The following DERA variants were observed in gnomAD, a reference collection of about 807,000 sequenced individuals.
DERA encodes deoxyribose-phosphate aldolase, also known as 2-deoxy-D-ribose 5-phosphate aldolase.
DERA carries 15 observed loss-of-function variants against 41.1 expected under a neutral mutation model. The ratio of observed to expected loss-of-function variants is 0.37; its 90% CI spans 0.24 to 0.56. DERA has a LOEUF of 0.56. DERA is among the 20% of genes least tolerant of loss of function. The pLI is 0.81. For synonymous variants in DERA, 139 were observed against 137.4 expected (o/e 1.01, Z -0.08); for missense variants, 396 against 403.4 (o/e 0.98, Z 0.16).
chr12:16,028,476 G>A (rs1379123477), intron 6 of DERA, among the ~76,000 whole-genome samples: 1 of 152,170 alleles, frequency 6.6e-6, no homozygotes, highest in East Asian at 1.9e-4. Context: ...AAGTAATTAT[G>A]TAGCCAAGCC....
At chr12:15,939,656 GA>G (rs904123765) in intron 1 of DERA, among the ~76,000 whole-genome samples, 10 of 143,496 alleles carry the variant, frequency 7.0e-5, no homozygotes, top group South Asian at 2.2e-4. Context: ...AACTGATTTT[GA>G]AAAAAAAAAG....
rs1948617352 is a variant in DERA at position 15,965,656 on chromosome 12, C to T, written c.508+2709C>T. On this transcript the variant is annotated intron_variant, in intron 5 of 8. Transcript: ENST00000428559. The surrounding 1 kb of genome is among the most constrained non-coding windows in gnomAD (Gnocchi z 4.1). ...GAGGTTTGATATTCCTCTCTGGGTT[C>T]TCCTTAGTGACCATTTAAAATGTCC... Among the ~76,000 whole-genome samples the T allele has an allele frequency of 6.6e-6, 1 of 152,098 alleles. No individual in the cohort carries two copies. Among genetic ancestry groups the T allele is most frequent in the African/African-American group, 2.4e-5 (1 of 41,384 alleles).
chr12:16,002,441 A>AT (rs1401283844), intron 6 of DERA, among the ~76,000 whole-genome samples: 1 of 151,834 alleles, frequency 6.6e-6, no homozygotes, highest in Admixed American at 6.6e-5. Context: ...GCCCTACAGG[A>AT]TTTTTCCTTT....
chr12:15,943,294 T>G lies in DERA; in HGVS notation c.32-13642T>G, dbSNP rs75991085. Among the ~76,000 whole-genome samples, 948 of 152,286 alleles carry G rather than the reference T, an allele frequency of 6.2e-3. 11 individuals are homozygous for G. The highest frequency in any genetic ancestry group is 0.021 in the African/African-American group (890 of 41,554). ...TTTTAAACGCAGAGTAGAAAAGCAATAGTCAGTTGATTGATGAGATTTTGA... is the reference window on the plus strand; with the variant it reads ...TTTTAAACGCAGAGTAGAAAAGCAAGAGTCAGTTGATTGATGAGATTTTGA... On this transcript the variant is annotated intron_variant, in intron 1 of 8. Coordinates refer to ENST00000428559, the MANE Select transcript of DERA (RefSeq NM_015954.4). The surrounding 1 kb of genome is among the most constrained non-coding windows in gnomAD (Gnocchi z 4.5).
intron 1 of DERA, among the ~76,000 whole-genome samples, chr12:15,929,198 A>G (rs758911553): frequency 2.6e-5 from 4 of 151,936 alleles, no homozygotes; most frequent in Non-Finnish European, 5.9e-5. Flanking sequence ...ACATCTAAGG[A>G]CTCCCTTTTT....
chr12:15,979,568 GA>G (rs1948720058), intron 5 of DERA, among the ~76,000 whole-genome samples: 1 of 152,210 alleles, frequency 6.6e-6, no homozygotes, highest in Admixed American at 6.5e-5. Flanking sequence ...AATGGTAACA[GA>G]AAGAAATGAC....
In DERA at chr12:15,911,348, C is replaced by A; in HGVS notation, c.-36C>A. The A allele has an allele frequency of 4.2e-6, 6 of 1,431,458 alleles. No homozygotes were observed. Among genetic ancestry groups the A allele is most frequent in the Non-Finnish European group, 4.5e-6 (5 of 1,102,228 alleles). The allele number at this position is 1,431,458 out of a possible 1,614,324, so 88.7% of individuals were successfully genotyped here. A position where few individuals can be genotyped will look rare whatever the true frequency, so the allele number is the denominator to read the frequency against. On this transcript the variant is annotated 5_prime_UTR_variant, in exon 1 of 9. Coordinates refer to ENST00000428559, the MANE Select transcript of DERA (RefSeq NM_015954.4). This position sits in a 1 kb window ranked among gnomAD's most constrained non-coding sequence, Gnocchi z 4.5. Reference sequence around the variant, plus strand: ...GGGCCGGGCGCGGCGCAGAGGCGGGCGCCTACCAGCCGGCAGCTCCGGAGC... The same window carrying A: ...GGGCCGGGCGCGGCGCAGAGGCGGGAGCCTACCAGCCGGCAGCTCCGGAGC...
chr12:15,945,659 G>T (rs368086385), intron 1 of DERA, among the ~76,000 whole-genome samples: 5 of 152,098 alleles, frequency 3.3e-5, no homozygotes, highest in East Asian at 1.9e-4. Flanking sequence ...ATATACAATC[G>T]TGTCATCTGC....
chr12:16,001,517 A>T lies in DERA; in HGVS notation c.637+19081A>T, dbSNP rs1477441864. ...CAGTAACAAAGAGAGAGTAATACAGACTTGTGGAGTCATGGTCTTAGGTCT... is the reference window on the plus strand; with the variant it reads ...CAGTAACAAAGAGAGAGTAATACAGTCTTGTGGAGTCATGGTCTTAGGTCT... On this transcript the variant is annotated intron_variant, in intron 6 of 8. Coordinates refer to ENST00000428559, the MANE Select transcript of DERA (RefSeq NM_015954.4). The surrounding 1 kb of genome is among the most constrained non-coding windows in gnomAD (Gnocchi z 4.1). Among the ~76,000 whole-genome samples, 1 of 152,090 alleles carries T rather than the reference A, an allele frequency of 6.6e-6. No individual in the cohort carries two copies. The highest frequency in any genetic ancestry group is 1.5e-5 in the Non-Finnish European group (1 of 68,022).
At chr12:16,028,617 C>T (rs1949069705) in intron 6 of DERA, among the ~76,000 whole-genome samples, 1 of 152,146 alleles carries the variant, frequency 6.6e-6, no homozygotes, top group Admixed American at 6.5e-5. Context: ...ACCGAGCCAA[C>T]ACTAACTACC....
chr12:15,955,747 A>T (rs1413866343), intron 1 of DERA, among the ~76,000 whole-genome samples: 1 of 152,198 alleles, frequency 6.6e-6, no homozygotes, highest in Admixed American at 6.5e-5. Flanking sequence ...AGTGAGAGAA[A>T]GAATGTCATC....
rs1196729534 is a variant in DERA at position 15,922,431 on chromosome 12, T to C, written c.31+11017T>C. ...AGCAAGAAAAAAATCATAATTTCAG[T>C]CTGCAGATGAATGCTATATTTGACT... On this transcript the variant is annotated intron_variant, in intron 1 of 8. Coordinates refer to ENST00000428559, the MANE Select transcript of DERA (RefSeq NM_015954.4). The surrounding 1 kb of genome is among the most constrained non-coding windows in gnomAD (Gnocchi z 4.9). Among the ~76,000 whole-genome samples, 1 of 152,196 alleles carries C rather than the reference T, an allele frequency of 6.6e-6. No homozygotes were observed. The highest frequency in any genetic ancestry group is 1.5e-5 in the Non-Finnish European group (1 of 68,028).
At chr12:15,958,641 T>C (rs1252997239) in intron 3 of DERA, among the ~76,000 whole-genome samples, 1 of 151,892 alleles carries the variant, frequency 6.6e-6, no homozygotes, top group Admixed American at 6.6e-5. Context: ...ACTGAAATAC[T>C]CTTTCTGATT....
chr12:16,023,639 G>A (rs961347363), intron 6 of DERA, among the ~76,000 whole-genome samples: 4 of 151,202 alleles, frequency 2.6e-5, no homozygotes, highest in African/African-American at 4.9e-5. Flanking sequence ...CACTACGCCC[G>A]GCTAATTTTT....
In DERA at chr12:15,972,120, C is replaced by T. The variant is rs1948665401; in HGVS notation, c.508+9173C>T. 5.9e-6 allele frequency: 1 copy of T among 169,432 alleles called. No homozygotes were observed. Among genetic ancestry groups the T allele is most frequent in the Non-Finnish European group, 1.3e-5 (1 of 78,548 alleles). 10.5% of individuals were successfully genotyped at this position (169,432 alleles called of 1,614,324 possible). A position where few individuals can be genotyped will look rare whatever the true frequency, so the allele number is the denominator to read the frequency against. ...CTCTGAAAATAGCCATAGGATCCCA[C>T]CGTGTAGCCTGGTATCCCAGTTCTT... is the stretch of plus-strand genomic sequence containing the variant. On this transcript the variant is annotated intron_variant, in intron 5 of 8. Coordinates refer to ENST00000428559, the MANE Select transcript of DERA (RefSeq NM_015954.4). The surrounding 1 kb of genome is among the most constrained non-coding windows in gnomAD (Gnocchi z 4.4).
At chr12:16,016,698 A>G (rs1008124983) in intron 6 of DERA, among the ~76,000 whole-genome samples, 8 of 150,426 alleles carry the variant, frequency 5.3e-5, no homozygotes, top group Non-Finnish European at 1.0e-4. Flanking sequence ...GGGCTGAGGC[A>G]AGAGGATCTC....
In DERA at chr12:16,036,934, C is replaced by G; in HGVS notation, c.*188C>G. 2 of 552,770 alleles carry G rather than the reference C, an allele frequency of 3.6e-6. No homozygotes were observed. The highest frequency in any genetic ancestry group is 6.4e-6 in the Non-Finnish European group (2 of 314,692). The allele number at this position is 552,770 out of a possible 1,614,324, so 34.2% of individuals were successfully genotyped here. Reference sequence around the variant, plus strand: ...CCACATGTGGTACTCATTTCAGGCACATCTGAAATGATCTTAATTACTAGA... The same window carrying G: ...CCACATGTGGTACTCATTTCAGGCAGATCTGAAATGATCTTAATTACTAGA... On this transcript the variant is annotated 3_prime_UTR_variant, in exon 9 of 9. Transcript: ENST00000428559. The surrounding 1 kb of genome is among the most constrained non-coding windows in gnomAD (Gnocchi z 4.9).
chr12:15,926,605 G>A (rs1407249708), intron 1 of DERA, among the ~76,000 whole-genome samples: 4 of 151,878 alleles, frequency 2.6e-5, no homozygotes, highest in South Asian at 4.2e-4. Flanking sequence ...GCGTGGTGGC[G>A]GGCGCCTGTA....
chr12:15,960,435 C>T (rs779490045), intron 4 of DERA, among the ~76,000 whole-genome samples: 14 of 150,932 alleles, frequency 9.3e-5, no homozygotes, highest in East Asian at 1.9e-4. Flanking sequence ...GTCAGGAGTA[C>T]GAGACCAGCC....
Sources: gnomAD v4.1 joint callset for allele counts (sites outside exome capture counted in the v4.1 genomes callset) on GRCh38, gnomAD v4.1.1 for gene constraint, Gnocchi (gnomAD v3.1) non-coding constraint, MANE v1.5 for transcripts, NCBI Gene and HGNC (gene_info 2026-07-23, HGNC 2026-07-21) for gene names.